RIMS1: variants seen among roughly 807,000 people sequenced by gnomAD.
RIMS1 encodes regulating synaptic membrane exocytosis protein 1.
RIMS1 carries 83 observed loss-of-function variants against 214.1 expected under a neutral mutation model. The ratio of observed to expected loss-of-function variants is 0.39; its 90% CI spans 0.32 to 0.47. The LOEUF (loss-of-function observed/expected upper bound fraction) is 0.47. Ranked by LOEUF, RIMS1 falls within the 20% of genes least tolerant of loss-of-function variation. RIMS1 has a pLI of 0.99. For missense variants in RIMS1, 2,050 were observed against 2,161.8 expected, an observed-to-expected ratio of 0.95 and a Z score of 1.03; for synonymous variants, 793 against 786.8, an observed-to-expected ratio of 1.01 and a Z score of -0.13.
At chr6:72,276,822 G>A (rs143613227) in intron 23 of RIMS1, among the ~76,000 whole-genome samples, 3 of 152,220 alleles carry the variant, frequency 2.0e-5, no homozygotes, top group African/African-American at 4.8e-5. Flanking sequence ...CGTAATGAAC[G>A]TTGGCATTTC....
intron 29 of RIMS1, among the ~76,000 whole-genome samples, chr6:72,374,665 AG>A (rs2098325398): frequency 6.6e-6 from 1 of 152,226 alleles, no homozygotes; most frequent in Admixed American, 6.5e-5. Context: ...GCACAAAACC[AG>A]GGACCAGTTT....
At chr6:72,224,226 G>A (rs2059502690) in intron 6 of RIMS1, among the ~76,000 whole-genome samples, 1 of 152,112 alleles carries the variant, frequency 6.6e-6, no homozygotes, top group Non-Finnish European at 1.5e-5. Flanking sequence ...GTTGTTTGAT[G>A]GTGGGAATTA....
rs193064589 is a variant in RIMS1, at chr6:72,263,277, G to A, written c.3117-1698G>A. On this transcript the variant is annotated intron_variant, in intron 19 of 33. Transcript: ENST00000521978. ...TGTTTAATTTCCCAACCTTTTTTTA[G>A]TAAAACGTGTCTCGAGGAAGTGGTA... 811 of 984,954 alleles carry A rather than the reference G, an allele frequency of 8.2e-4. 3 individuals carry two copies. In the South Asian group the frequency reaches 0.013, roughly 15 times the overall value. The allele number at this position is 984,954 out of a possible 1,614,324, so 61.0% of individuals were successfully genotyped here.
chr6:72,330,822 C>A (rs1393809957), intron 28 of RIMS1, among the ~76,000 whole-genome samples: 1 of 151,560 alleles, frequency 6.6e-6, no homozygotes, highest in African/African-American at 2.4e-5. Flanking sequence ...TGAACTGCCT[C>A]CTCAGTTAGA....
chr6:72,197,593 G>A (rs978733089), intron 6 of RIMS1, among the ~76,000 whole-genome samples: 6 of 152,048 alleles, frequency 3.9e-5, no homozygotes, highest in African/African-American at 1.2e-4. Context: ...AAAATTTATA[G>A]CATTGAAGTG....
chr6:71,898,057 T>C (rs1772404043), intron 1 of RIMS1, among the ~76,000 whole-genome samples: 1 of 152,190 alleles, frequency 6.6e-6, no homozygotes, highest in Non-Finnish European at 1.5e-5. Context: ...AAGGTAAAAT[T>C]AACATGTAAT....
At chr6:72,020,401 G>C (rs1375509445) in intron 2 of RIMS1, among the ~76,000 whole-genome samples, 1 of 152,114 alleles carries the variant, frequency 6.6e-6, no homozygotes, top group Non-Finnish European at 1.5e-5. Flanking sequence ...ATCTTCACTT[G>C]TTTGGAAAGC....
At chr6:72,188,950 C>A (rs1475369517) in intron 6 of RIMS1, among the ~76,000 whole-genome samples, 1 of 152,322 alleles carries the variant, frequency 6.6e-6, no homozygotes, top group East Asian at 1.9e-4. Context: ...TAGCAGTGGC[C>A]AGGTGGCAAT....
At chr6:72,080,074 TA>T (rs770845471) in intron 2 of RIMS1, among the ~76,000 whole-genome samples, 1,761 of 22,360 alleles carry the variant, frequency 0.079, 19 homozygotes, top group Non-Finnish European at 0.11. Context: ...GTGTCTCTAC[TA>T]AAAAAAAAAA....
At position 72,383,631 on chromosome 6, in the gene RIMS1, A is replaced by C. The variant is rs889350004; in HGVS notation, c.4367-6967A>C. On this transcript the variant is annotated intron_variant, in intron 29 of 33. Transcript: ENST00000521978. ...TCTAAAAAAAAAAAAAAAAAAAAAA[A>C]CTAAAACAATTAGTCAGGTGTGGTG... is the stretch of plus-strand genomic sequence containing the variant. Among the ~76,000 whole-genome samples the C allele has an allele frequency of 4.0e-5, 6 of 149,544 alleles. No homozygotes were observed. In the East Asian group the frequency reaches 7.8e-4, roughly 19 times the overall value.
Position 72,098,900 on chromosome 6 carries a change from T to C in RIMS1, c.460-1075T>C, listed in dbSNP as rs9446567. 7.3e-3 allele frequency among the ~76,000 whole-genome samples: 1,109 copies of C among 152,290 alleles called. 15 individuals are homozygous for C. Among genetic ancestry groups the C allele is most frequent in the African/African-American group, 0.026 (1,074 of 41,556 alleles). ...TCTAAAATAAACTTGGATATTAAGG[T>C]TGTATCTGGCACATAGAAAGTACAT... On this transcript the variant is annotated intron_variant, in intron 3 of 33. Transcript: ENST00000521978.
At chr6:72,144,246 G>A (rs1246766608) in intron 4 of RIMS1, among the ~76,000 whole-genome samples, 1 of 152,174 alleles carries the variant, frequency 6.6e-6, no homozygotes, top group African/African-American at 2.4e-5. Context: ...ATTACTTCTT[G>A]CCAATGCCTC....
chr6:72,303,250 T>G (rs1316641353), intron 26 of RIMS1, among the ~76,000 whole-genome samples: 2 of 150,796 alleles, frequency 1.3e-5, no homozygotes. Context: ...TAGGGAAGAT[T>G]TATTAAGGAT....
intron 4 of RIMS1, among the ~76,000 whole-genome samples, chr6:72,166,286 ACTC>A (rs1449657633): frequency 1.4e-5 from 2 of 144,504 alleles, no homozygotes; most frequent in African/African-American, 5.0e-5. Flanking sequence ...AGACAGATGA[ACTC>A]CTTGGTGTCT....
At chr6:71,965,130 C>A (rs1794088044) in intron 1 of RIMS1, among the ~76,000 whole-genome samples, 1 of 152,098 alleles carries the variant, frequency 6.6e-6, no homozygotes, top group South Asian at 2.1e-4. Flanking sequence ...TAATTGTCTC[C>A]ATTTATGATA....
At chr6:72,391,405 TC>T (rs1433983150) in intron 30 of RIMS1, among the ~76,000 whole-genome samples, 1 of 151,826 alleles carries the variant, frequency 6.6e-6, no homozygotes, top group Admixed American at 6.6e-5. Context: ...ACCTGCTTCT[TC>T]CTATGCTTGA....
chr6:72,288,613 T>A (rs2092805757), intron 24 of RIMS1, among the ~76,000 whole-genome samples: 1 of 152,198 alleles, frequency 6.6e-6, no homozygotes. Context: ...TACCTCAGAA[T>A]TTCTTGATTA....
chr6:72,117,025 C>T (rs1283129276), intron 4 of RIMS1, among the ~76,000 whole-genome samples: 1 of 151,900 alleles, frequency 6.6e-6, no homozygotes. Context: ...CCAATTGCTC[C>T]AGGTCATGTT....
intron 2 of RIMS1, among the ~76,000 whole-genome samples, chr6:72,065,750 C>T (rs1829137011): frequency 6.6e-6 from 1 of 152,108 alleles, no homozygotes; most frequent in South Asian, 2.1e-4. Flanking sequence ...GGTTCTATGA[C>T]TTGCCTTTGA....
Sources: allele counts gnomAD v4.1 joint callset (sites outside exome capture counted in the v4.1 genomes callset), GRCh38; gene constraint gnomAD v4.1.1; transcripts MANE v1.5; gene names NCBI Gene and HGNC (gene_info 2026-07-23, HGNC 2026-07-21).